Variants in EZH2 observed in about 807,000 individuals in gnomAD.
EZH2 encodes the protein histone-lysine N-methyltransferase EZH2.
In EZH2, 18 loss-of-function variants were observed where a neutral mutation model predicts 98.4. That is an observed-to-expected ratio of 0.18 (90% CI 0.13 to 0.27). EZH2 has a LOEUF of 0.27. Ranked by LOEUF, EZH2 falls within the 10% of genes least tolerant of loss-of-function variation. The probability of loss-of-function intolerance (pLI) is 1.00; values close to 1 mark genes in which losing one functional copy is unlikely to be tolerated. For missense variants in EZH2, 470 were observed against 935.1 expected, an observed-to-expected ratio of 0.50 and a Z score of 6.49; for synonymous variants, 338 against 312.3, an observed-to-expected ratio of 1.08 and a Z score of -0.87.
At chr7:148,815,832 G>A (rs940583166) in intron 12 of EZH2, among the ~76,000 whole-genome samples, 6 of 152,208 alleles carry the variant, frequency 3.9e-5, no homozygotes, top group Non-Finnish European at 8.8e-5. Flanking sequence ...GTGTCTGCCT[G>A]TTGATTTATT....
intron 3 of EZH2, among the ~76,000 whole-genome samples, chr7:148,834,751 T>C (rs1810430121): frequency 6.6e-6 from 1 of 152,226 alleles, no homozygotes; most frequent in Non-Finnish European, 1.5e-5. Flanking sequence ...CCCTTCCTGC[T>C]ATTTGGCCTC....
intron 1 of EZH2, among the ~76,000 whole-genome samples, chr7:148,872,819 A>G (rs1429667769): frequency 6.6e-6 from 1 of 152,048 alleles, no homozygotes; most frequent in East Asian, 1.9e-4. Flanking sequence ...AGCAGTCATG[A>G]CATACTGTCT....
chr7:148,848,589 T>C (rs759223307), intron 1 of EZH2, among the ~76,000 whole-genome samples: 3 of 152,132 alleles, frequency 2.0e-5, no homozygotes, highest in Non-Finnish European at 4.4e-5. Context: ...CACCAACAGA[T>C]GACAGAGAAG....
intron 1 of EZH2, among the ~76,000 whole-genome samples, chr7:148,875,449 G>A (rs930608033): frequency 6.6e-6 from 1 of 152,022 alleles, no homozygotes; most frequent in Non-Finnish European, 1.5e-5. Flanking sequence ...TTTTTAAAGG[G>A]ACAAAAGGCT....
intron 1 of EZH2, among the ~76,000 whole-genome samples, chr7:148,870,887 C>T (rs553839169): frequency 1.7e-4 from 25 of 151,438 alleles, no homozygotes; most frequent in Non-Finnish European, 3.2e-4. Flanking sequence ...CAAGACTGCG[C>T]CACTGCATTC....
At chr7:148,879,818 T>C (rs1585330557) in intron 1 of EZH2, among the ~76,000 whole-genome samples, 2 of 151,138 alleles carry the variant, frequency 1.3e-5, no homozygotes, top group African/African-American at 4.9e-5. Flanking sequence ...AAAAAAAAAG[T>C]ATCTGGGTCA....
At chr7:148,857,580 G>C (rs1030144571) in intron 1 of EZH2, among the ~76,000 whole-genome samples, 1 of 151,988 alleles carries the variant, frequency 6.6e-6, no homozygotes, top group Non-Finnish European at 1.5e-5. Context: ...GTGAAACCCA[G>C]TCTCTACTAA....
chr7:148,816,897 G>T (rs1804709206), intron 11 of EZH2, 119 bp from the exon 12 acceptor site: 2 of 731,914 alleles, frequency 2.7e-6, no homozygotes, highest in South Asian at 1.6e-5. Context: ...AGATGCTGGG[G>T]ATATAACACA....
intron 3 of EZH2, among the ~76,000 whole-genome samples, chr7:148,838,063 CTTTTTTTT>C (rs35838307): frequency 2.0e-5 from 2 of 100,512 alleles, no homozygotes; most frequent in African/African-American, 7.8e-5. Flanking sequence ...GTTTAGACTC[CTTTTTTTT>C]TTTTTTTTTT....
intron 1 of EZH2, among the ~76,000 whole-genome samples, chr7:148,866,631 TATATAC>T (rs202076229): frequency 1.3e-3 from 189 of 146,890 alleles, no homozygotes; most frequent in Non-Finnish European, 1.7e-3. Flanking sequence ...CATATATGTA[TATATAC>T]ATATACATAT....
intron 1 of EZH2, among the ~76,000 whole-genome samples, chr7:148,866,919 G>A (rs1377240262): frequency 1.3e-5 from 2 of 149,598 alleles, no homozygotes; most frequent in Non-Finnish European, 3.0e-5. Flanking sequence ...TCACCATGTT[G>A]GCCAGGCTGG....
At chr7:148,808,354 G>A (rs967846939) in intron 19 of EZH2, among the ~76,000 whole-genome samples, 3 of 152,208 alleles carry the variant, frequency 2.0e-5, no homozygotes, top group Non-Finnish European at 4.4e-5. Flanking sequence ...GCCATTAAAG[G>A]CCAGCCTGAA....
intron 8 of EZH2, among the ~76,000 whole-genome samples, chr7:148,823,599 G>A (rs924736562): frequency 6.6e-6 from 1 of 151,124 alleles, no homozygotes; most frequent in African/African-American, 2.4e-5. Context: ...GTAAAATTTC[G>A]AAGGATGGGG....
At chr7:148,880,961 C>A (rs942699498) in intron 1 of EZH2, among the ~76,000 whole-genome samples, 1 of 152,194 alleles carries the variant, frequency 6.6e-6, no homozygotes, top group African/African-American at 2.4e-5. Flanking sequence ...CCTGTGGGAA[C>A]ACAAGAGTGG....
chr7:148,818,333 G>C (rs1035748248), intron 9 of EZH2, among the ~76,000 whole-genome samples: 4 of 152,078 alleles, frequency 2.6e-5, no homozygotes, highest in African/African-American at 9.7e-5. Context: ...TATATTCCTA[G>C]AATGGTACAA....
At chr7:148,851,881 AAAT>A (rs1209940001) in intron 1 of EZH2, among the ~76,000 whole-genome samples, 3 of 152,322 alleles carry the variant, frequency 2.0e-5, no homozygotes, top group African/African-American at 7.2e-5. Flanking sequence ...AAAAAAAGTA[AAAT>A]AATAAAATAC....
At chr7:148,826,977 A>G (rs1807895207) in intron 7 of EZH2, among the ~76,000 whole-genome samples, 187 bp downstream of exon 7, 1 of 152,238 alleles carries the variant, frequency 6.6e-6, no homozygotes, top group Admixed American at 6.5e-5. Flanking sequence ...ATATGTATTT[A>G]TTCTATCTAC....
intron 13 of EZH2, among the ~76,000 whole-genome samples, 162 bp from the exon 14 acceptor site, chr7:148,815,201 C>CA (rs1334658772): frequency 6.6e-6 from 1 of 152,122 alleles, no homozygotes; most frequent in Admixed American, 6.5e-5. Flanking sequence ...ACAACGATGG[C>CA]AAAAAATACT....
At chr7:148,876,897 G>A (rs1308935134) in intron 1 of EZH2, among the ~76,000 whole-genome samples, 1 of 152,062 alleles carries the variant, frequency 6.6e-6, no homozygotes, top group Non-Finnish European at 1.5e-5. Flanking sequence ...ATGATCCCTG[G>A]CTGGGAGATC....
Sources: gnomAD v4.1 joint callset for allele counts (sites outside exome capture counted in the v4.1 genomes callset) on GRCh38, gnomAD v4.1.1 for gene constraint, MANE v1.5 for transcripts, NCBI Gene and HGNC (gene_info 2026-07-23, HGNC 2026-07-21) for gene names.